The following LRP1B variants were observed in gnomAD, a reference collection of about 807,000 sequenced individuals.
LRP1B encodes the protein LDL receptor related protein 1B, also known as low-density lipoprotein receptor-related protein 1B.
LRP1B carries 217 observed loss-of-function variants against 556.6 expected under a neutral mutation model. That is an observed-to-expected ratio of 0.39 (90% CI 0.35 to 0.44). The LOEUF is 0.44. LRP1B is among the 20% of genes least tolerant of loss of function. The pLI, the probability that LRP1B is intolerant of heterozygous loss-of-function variation, is 1.00. For missense variants in LRP1B, 5,053 were observed against 5,620.8 expected (o/e 0.90, Z 3.23); for synonymous variants, 2,047 against 1,865.8 (o/e 1.10, Z -2.50).
At chr2:140,655,715 G>A (rs1391521073) in intron 41 of LRP1B, among the ~76,000 whole-genome samples, 1 of 152,174 alleles carries the variant, frequency 6.6e-6, no homozygotes, top group African/African-American at 2.4e-5. Context: ...GGCCGAGGCG[G>A]GTGGATCACG....
intron 32 of LRP1B, among the ~76,000 whole-genome samples, chr2:140,779,813 T>A (rs561907960): frequency 6.9e-6 from 1 of 144,962 alleles, no homozygotes; most frequent in African/African-American, 2.6e-5. Flanking sequence ...ATATATATCA[T>A]AAATTTACCT....
At chr2:141,340,146 G>A (rs1250649279) in intron 3 of LRP1B, among the ~76,000 whole-genome samples, 1 of 152,176 alleles carries the variant, frequency 6.6e-6, no homozygotes, top group Non-Finnish European at 1.5e-5. Flanking sequence ...TGCTATTTAT[G>A]TAGGTTTGAC....
chr2:140,789,266 A>C (rs1381824438), intron 32 of LRP1B, among the ~76,000 whole-genome samples: 1 of 152,094 alleles, frequency 6.6e-6, no homozygotes, highest in Non-Finnish European at 1.5e-5. Flanking sequence ...TTACCTTAAC[A>C]ATACATTCCA....
intron 72 of LRP1B, among the ~76,000 whole-genome samples, chr2:140,360,890 C>T (rs557840737): frequency 2.6e-5 from 4 of 151,374 alleles, no homozygotes; most frequent in Non-Finnish European, 5.9e-5. Flanking sequence ...TTTGCTGTTT[C>T]CTATAATTTA....
intron 41 of LRP1B, among the ~76,000 whole-genome samples, chr2:140,656,960 A>G (rs1684900525): frequency 6.6e-6 from 1 of 152,172 alleles, no homozygotes; most frequent in Non-Finnish European, 1.5e-5. Context: ...AATGAATTTC[A>G]TCAATATATC....
At chr2:141,221,693 C>A (rs1427081099) in intron 6 of LRP1B, among the ~76,000 whole-genome samples, 1 of 152,122 alleles carries the variant, frequency 6.6e-6, no homozygotes, top group Non-Finnish European at 1.5e-5. Flanking sequence ...CACTCCTCAA[C>A]TAATACAAAA....
At chr2:141,923,248 C>T (rs2104977564) in intron 1 of LRP1B, among the ~76,000 whole-genome samples, 1 of 151,632 alleles carries the variant, frequency 6.6e-6, no homozygotes, top group African/African-American at 2.4e-5. Flanking sequence ...AATTTATCCA[C>T]AAGGGATGAT....
At chr2:141,625,282 C>T (rs1044885729) in intron 2 of LRP1B, among the ~76,000 whole-genome samples, 3 of 152,058 alleles carry the variant, frequency 2.0e-5, no homozygotes, top group Admixed American at 6.5e-5. Context: ...ATTATTCAAA[C>T]ATGGAATGGT....
chr2:140,649,488 A>G (rs1684600027), intron 41 of LRP1B, among the ~76,000 whole-genome samples: 2 of 152,236 alleles, frequency 1.3e-5, no homozygotes, highest in South Asian at 4.1e-4. Context: ...ACTGAATGGA[A>G]GAATTGGGGC....
At chr2:141,242,363 T>G (rs1305300734) in intron 5 of LRP1B, among the ~76,000 whole-genome samples, 2 of 152,090 alleles carry the variant, frequency 1.3e-5, no homozygotes, top group Non-Finnish European at 2.9e-5. Context: ...CCATAGGAAG[T>G]TACATTTTGT....
At chr2:141,809,907 T>C (rs998744132) in intron 2 of LRP1B, among the ~76,000 whole-genome samples, 3 of 151,920 alleles carry the variant, frequency 2.0e-5, no homozygotes, top group Admixed American at 6.6e-5. Context: ...TTTAGCGCTA[T>C]ATTTTAAATT....
At chr2:140,682,225 A>G (rs1375712824) in intron 41 of LRP1B, among the ~76,000 whole-genome samples, 2 of 152,188 alleles carry the variant, frequency 1.3e-5, no homozygotes, top group Non-Finnish European at 2.9e-5. Flanking sequence ...TCCCTGCTGG[A>G]GGAGACTTCA....
chr2:141,458,600 TATAAA>T (rs1681727984), intron 3 of LRP1B, among the ~76,000 whole-genome samples: 1 of 152,146 alleles, frequency 6.6e-6, no homozygotes, highest in Non-Finnish European at 1.5e-5. Flanking sequence ...TTTCCGTACT[TATAAA>T]AGGAGAAAGT....
intron 3 of LRP1B, among the ~76,000 whole-genome samples, chr2:141,350,766 C>T (rs961057059): frequency 3.3e-5 from 5 of 152,010 alleles, no homozygotes; most frequent in Admixed American, 6.6e-5. Flanking sequence ...TGTTTAACAA[C>T]TTTGCACTTG....
At chr2:141,291,586 G>C (rs1489152651) in intron 3 of LRP1B, among the ~76,000 whole-genome samples, 2 of 152,046 alleles carry the variant, frequency 1.3e-5, no homozygotes, top group Non-Finnish European at 2.9e-5. Flanking sequence ...GCCGGGCGCG[G>C]TGGCTCACGC....
intron 3 of LRP1B, among the ~76,000 whole-genome samples, chr2:141,271,771 G>GAAA (rs11326474): frequency 7.2e-6 from 1 of 138,104 alleles, no homozygotes. Flanking sequence ...GAAACCATAT[G>GAAA]AAAAAAAAAA....
At chr2:141,074,589 C>CTATATATATA (rs1553456128) in intron 7 of LRP1B, among the ~76,000 whole-genome samples, 40 of 136,474 alleles carry the variant, frequency 2.9e-4, no homozygotes, top group Non-Finnish European at 5.1e-4. Context: ...CTCTCTCTCT[C>CTATATATATA]TATATATATA....
chr2:140,727,102 T>C (rs979381753), intron 35 of LRP1B, among the ~76,000 whole-genome samples: 1 of 152,158 alleles, frequency 6.6e-6, no homozygotes, highest in Non-Finnish European at 1.5e-5. Flanking sequence ...GTATATTAAA[T>C]CATATTTAAT....
intron 1 of LRP1B, among the ~76,000 whole-genome samples, chr2:142,019,788 C>T (rs377018878): frequency 6.6e-6 from 1 of 152,206 alleles, no homozygotes; most frequent in Non-Finnish European, 1.5e-5. Context: ...GCCCCAGCCA[C>T]ATTCCCATCT....
Sources: gnomAD v4.1 joint callset for allele counts (sites outside exome capture counted in the v4.1 genomes callset) on GRCh38, gnomAD v4.1.1 for gene constraint, MANE v1.5 for transcripts, NCBI Gene and HGNC (gene_info 2026-07-23, HGNC 2026-07-21) for gene names.